Variants in NBAS observed in about 807,000 individuals in gnomAD.
NBAS encodes NBAS subunit of NRZ tethering complex.
In NBAS, 219 loss-of-function variants were observed where a neutral mutation model predicts 302.5. That is an observed-to-expected ratio of 0.72 (90% CI 0.65 to 0.81). NBAS has a LOEUF of 0.81. Ranked by LOEUF, NBAS falls within the 30% of genes least tolerant of loss-of-function variation. The pLI is 0.00. For synonymous variants in NBAS, 1,118 were observed against 1,021.6 expected (o/e 1.09, Z -1.80); for missense variants, 2,932 against 2,841.6 (o/e 1.03, Z -0.72).
At chr2:14,811,917 G>A in the NBAS span, among the ~76,000 whole-genome samples, 17 of 152,170 alleles carry the variant, frequency 1.1e-4, no homozygotes, top group Non-Finnish European at 2.4e-4. Flanking sequence ...CTGAAGAAAC[G>A]ATTATCAAGA....
the NBAS span, among the ~76,000 whole-genome samples, chr2:14,841,095 T>C: frequency 3.9e-5 from 6 of 152,016 alleles, no homozygotes; most frequent in African/African-American, 1.4e-4. Context: ...CTTTTCTTTG[T>C]GATCTAAGTT....
chr2:15,394,440 G>C, intron 27 of NBAS, 91 bp from the exon 28 acceptor site: 1 of 1,382,354 alleles, frequency 7.2e-7, no homozygotes, highest in East Asian at 2.3e-5. Context: ...TCAGTGTTTA[G>C]TATTAAAAAA....
At chr2:15,377,696 C>T (rs1674814669) in intron 30 of NBAS, among the ~76,000 whole-genome samples, 1 of 152,108 alleles carries the variant, frequency 6.6e-6, no homozygotes, top group African/African-American at 2.4e-5. Flanking sequence ...TAAATGCAGT[C>T]AGAAAAGAAC....
chr2:15,111,109 G>A, the NBAS span, among the ~76,000 whole-genome samples: 2 of 152,104 alleles, frequency 1.3e-5, no homozygotes, highest in East Asian at 1.9e-4. Context: ...AAGCAGGTGA[G>A]TGGGCACCAG....
chr2:14,973,283 C>T, the NBAS span, among the ~76,000 whole-genome samples: 1 of 152,158 alleles, frequency 6.6e-6, no homozygotes, highest in Non-Finnish European at 1.5e-5. Flanking sequence ...ATAAACCCTG[C>T]TGTATCAGAT....
chr2:15,132,365 G>T, the NBAS span, among the ~76,000 whole-genome samples: 4 of 152,278 alleles, frequency 2.6e-5, no homozygotes, highest in South Asian at 4.1e-4. Context: ...ATGACATTCT[G>T]GAAAAAGCCA....
chr2:15,152,544 C>CA, the NBAS span, among the ~76,000 whole-genome samples: 1 of 152,332 alleles, frequency 6.6e-6, no homozygotes, highest in Non-Finnish European at 1.5e-5. Flanking sequence ...GCTAACTGAT[C>CA]AGACCATGTC....
intron 16 of NBAS, among the ~76,000 whole-genome samples, chr2:15,472,332 C>T (rs1350608103): frequency 1.3e-5 from 2 of 152,158 alleles, no homozygotes; most frequent in African/African-American, 2.4e-5. Context: ...TGTTGACAAC[C>T]TCCCACTGAG....
chr2:15,398,620 T>G (rs76960839), intron 26 of NBAS, among the ~76,000 whole-genome samples: 1 of 23,790 alleles, frequency 4.2e-5, no homozygotes, highest in Admixed American at 4.6e-4. Flanking sequence ...AAATGAGTGA[T>G]TGCTCATTTC....
chr2:15,500,663 C>T (rs945925780), intron 11 of NBAS, among the ~76,000 whole-genome samples: 1 of 150,884 alleles, frequency 6.6e-6, no homozygotes, highest in Non-Finnish European at 1.5e-5. Flanking sequence ...AGGCCAGGTG[C>T]GGTGGCTCAC....
At chr2:15,162,459 G>C (rs965792247), downstream of NBAS, among the ~76,000 whole-genome samples, 2 of 152,182 alleles carry the variant, frequency 1.3e-5, no homozygotes, top group Non-Finnish European at 2.9e-5. Context: ...GCCACCGGGG[G>C]AGCAGAAACT....
chr2:15,250,851 A>G (rs532914649), intron 44 of NBAS, among the ~76,000 whole-genome samples: 13 of 152,332 alleles, frequency 8.5e-5, no homozygotes, highest in African/African-American at 2.6e-4. Context: ...ACGCTTTTAC[A>G]CTGTTGGTGG....
At chr2:15,306,767 T>G (rs1317336720) in intron 40 of NBAS, among the ~76,000 whole-genome samples, 2 of 151,726 alleles carry the variant, frequency 1.3e-5, no homozygotes, top group Non-Finnish European at 2.9e-5. Context: ...GGAAATCTTT[T>G]TTTTTTTTTT....
chr2:14,909,365 CTAAAAAAAAAA>C, the NBAS span, among the ~76,000 whole-genome samples: 1 of 50,132 alleles, frequency 2.0e-5, no homozygotes, highest in Non-Finnish European at 3.6e-5. Context: ...GGGAGAGTTT[CTAAAAAAAAAA>C]AAAAAAAAAA....
At chr2:15,417,967 G>A (rs548454749) in intron 23 of NBAS, among the ~76,000 whole-genome samples, 12 of 152,228 alleles carry the variant, frequency 7.9e-5, no homozygotes, top group Admixed American at 3.9e-4. Flanking sequence ...TTATAAATTT[G>A]TAGAGCGTTA....
intron 48 of NBAS, among the ~76,000 whole-genome samples, chr2:15,193,361 T>G (rs1379093157): frequency 6.6e-6 from 1 of 152,160 alleles, no homozygotes; most frequent in Non-Finnish European, 1.5e-5. Flanking sequence ...AATGCAATTT[T>G]AAATTTGCTA....
Position 15,517,463 on chromosome 2 carries a change from G to A in NBAS, c.747-6113C>T, listed in dbSNP as rs112148303. 9.8e-3 allele frequency among the ~76,000 whole-genome samples: 1,499 copies of A among 152,268 alleles called. 18 individuals are homozygous for A. Among genetic ancestry groups the A allele is most frequent in the African/African-American group, 0.031 (1,292 of 41,542 alleles). Reference sequence around the variant, plus strand: ...CAGCTGCCTCTAGAGGGAAGAAAGTGAGACAAAATAATGGAAGTAGGGAAT... The same window carrying A: ...CAGCTGCCTCTAGAGGGAAGAAAGTAAGACAAAATAATGGAAGTAGGGAAT... On this transcript the variant is annotated intron_variant, in intron 9 of 51. Coordinates refer to ENST00000281513, the MANE Select transcript of NBAS (RefSeq NM_015909.4).
chr2:14,806,260 C>T, the NBAS span, among the ~76,000 whole-genome samples: 6 of 152,160 alleles, frequency 3.9e-5, no homozygotes, highest in Non-Finnish European at 1.5e-5. Context: ...ACTGTTGACT[C>T]CCTCAGTCAT....
intron 31 of NBAS, among the ~76,000 whole-genome samples, chr2:15,369,524 G>A (rs984676073): frequency 3.9e-5 from 6 of 152,130 alleles, no homozygotes; most frequent in African/African-American, 1.4e-4. Flanking sequence ...ATTTACTTAC[G>A]TATTTTCTGA....
Sources: allele counts gnomAD v4.1 joint callset (sites outside exome capture counted in the v4.1 genomes callset), GRCh38; gene constraint gnomAD v4.1.1; transcripts MANE v1.5; gene names NCBI Gene and HGNC (gene_info 2026-07-23, HGNC 2026-07-21).